The following PBRM1 variants were observed in gnomAD, a reference collection of about 807,000 sequenced individuals.
PBRM1 encodes the protein polybromo 1.
A neutral mutation model predicts 194.5 loss-of-function variants in PBRM1; 27 were observed. The ratio of observed to expected loss-of-function variants is 0.14; its 90% CI spans 0.10 to 0.19. The LOEUF (loss-of-function observed/expected upper bound fraction) is 0.19, where lower values mean the gene tolerates loss of function less well. Ranked by LOEUF, PBRM1 falls within the 10% of genes least tolerant of loss-of-function variation. PBRM1 has a pLI of 1.00. For synonymous variants in PBRM1, 655 were observed against 693.2 expected, an observed-to-expected ratio of 0.94 and a Z score of 0.87; for missense variants, 1,466 against 2,077.2, an observed-to-expected ratio of 0.71 and a Z score of 5.72.
At chr3:52,628,990 C>T (rs757836336) in exon 12 of PBRM1, 1 of 1,607,716 alleles carries the variant, frequency 6.2e-7, no homozygotes, top group Non-Finnish European at 8.5e-7. Flanking sequence ...TCAGATCACA[C>T]TCCAAATGAT....
chr3:52,672,240 T>G (rs1202584953), intron 2 of PBRM1, among the ~76,000 whole-genome samples: 1 of 152,218 alleles, frequency 6.6e-6, no homozygotes, highest in African/African-American at 2.4e-5. Flanking sequence ...AATCTCTGAC[T>G]GAACTTGTCT....
At chr3:52,603,194 G>A (rs2094122173) in intron 17 of PBRM1, among the ~76,000 whole-genome samples, 1 of 152,208 alleles carries the variant, frequency 6.6e-6, no homozygotes, top group Admixed American at 6.5e-5. Flanking sequence ...TCACTGTTGA[G>A]AATGCTTTCT....
At chr3:52,546,612 C>T (rs879404478), downstream of PBRM1, 4 of 231,464 alleles carry the variant, frequency 1.7e-5, no homozygotes, top group Admixed American at 5.6e-5. Flanking sequence ...GATTAACTCT[C>T]TCAGATTATA....
At chr3:52,625,776 C>G (rs946498254) in intron 13 of PBRM1, among the ~76,000 whole-genome samples, 20 of 151,968 alleles carry the variant, frequency 1.3e-4, no homozygotes. Context: ...GAGGTTTCAC[C>G]ACGTTGTCCA....
intron 20 of PBRM1, among the ~76,000 whole-genome samples, chr3:52,584,475 T>TTTTTTTTTTTTTTTTTTTTTTA (rs2092026674): frequency 6.8e-6 from 1 of 146,606 alleles, no homozygotes; most frequent in African/African-American, 2.5e-5. Context: ...TTTTTTTTTT[T>TTTTTTTTTTTTTTTTTTTTTTA]GAGACGGTCT....
intron 20 of PBRM1, among the ~76,000 whole-genome samples, chr3:52,580,202 T>C (rs2090747827): frequency 6.6e-6 from 1 of 152,130 alleles, no homozygotes; most frequent in Admixed American, 6.5e-5. Context: ...ATCGTGCCAC[T>C]GCACTCCAGC....
At chr3:52,589,228 C>A (rs1385173049) in exon 18 of PBRM1, 1 of 1,546,002 alleles carries the variant, frequency 6.5e-7, no homozygotes, top group Non-Finnish European at 8.7e-7. Flanking sequence ...GCCTGCAGCA[C>A]CAGAGGAATC....
intron 22 of PBRM1, among the ~76,000 whole-genome samples, chr3:52,569,938 A>C (rs542037009): frequency 6.6e-6 from 1 of 152,286 alleles, no homozygotes; most frequent in South Asian, 2.1e-4. Context: ...ATGTTAAATA[A>C]GTGTGATAAG....
intron 17 of PBRM1, among the ~76,000 whole-genome samples, chr3:52,602,400 T>C (rs910985570): frequency 4.6e-5 from 7 of 152,174 alleles, no homozygotes; most frequent in Non-Finnish European, 8.8e-5. Context: ...TGTGTATAGG[T>C]TGGGGGATGC....
chr3:52,631,946 C>T (rs180835375), intron 11 of PBRM1, among the ~76,000 whole-genome samples: 47 of 152,224 alleles, frequency 3.1e-4, no homozygotes, highest in Middle Eastern at 6.8e-3. Context: ...TCATTTGATT[C>T]CAACTTAAGA....
intron 22 of PBRM1, among the ~76,000 whole-genome samples, chr3:52,570,846 CAT>C (rs1164016431): frequency 1.3e-5 from 2 of 150,358 alleles, no homozygotes; most frequent in Non-Finnish European, 1.5e-5. Flanking sequence ...TGTGTGCGCA[CAT>C]GTGTGCACAT....
chr3:52,589,011 AAGG>A (rs1260841004), intron 18 of PBRM1, 56 bp downstream of exon 20: 2 of 1,254,458 alleles, frequency 1.6e-6, no homozygotes, highest in Admixed American at 1.9e-5. Flanking sequence ...CCTGAGGAGC[AAGG>A]AGAAGTCAAA....
intron 3 of PBRM1, among the ~76,000 whole-genome samples, chr3:52,668,243 G>GCCAAGATCTCA (rs2096878365): frequency 6.6e-6 from 1 of 152,220 alleles, no homozygotes; most frequent in East Asian, 1.9e-4. Flanking sequence ...GCTGCCATGA[G>GCCAAGATCTCA]CCAAGATCTC....
At chr3:52,556,550 T>A (rs1057491641) in intron 26 of PBRM1, among the ~76,000 whole-genome samples, 2 of 152,220 alleles carry the variant, frequency 1.3e-5, no homozygotes, top group African/African-American at 4.8e-5. Context: ...TTGAGGAAAT[T>A]ATTAAGAACT....
intron 11 of PBRM1, among the ~76,000 whole-genome samples, chr3:52,632,228 TATC>T (rs1214816553): frequency 6.6e-6 from 1 of 152,200 alleles, no homozygotes; most frequent in Non-Finnish European, 1.5e-5. Flanking sequence ...CTTTCAGAGA[TATC>T]ATACAGAGTC....
At chr3:52,554,615 G>A in intron 27 of PBRM1, 109 bp downstream of exon 29, 1 of 887,930 alleles carries the variant, frequency 1.1e-6, no homozygotes, top group Non-Finnish European at 1.7e-6. Flanking sequence ...CTCAGGGAGG[G>A]AAGGCCTGGC....
At chr3:52,564,481 A>T (rs968998200) in intron 22 of PBRM1, among the ~76,000 whole-genome samples, 3 of 151,910 alleles carry the variant, frequency 2.0e-5, no homozygotes, top group African/African-American at 7.3e-5. Flanking sequence ...AAATTCTACA[A>T]AAAAATACAA....
chr3:52,637,775 A>C (rs942928172), intron 10 of PBRM1, among the ~76,000 whole-genome samples: 2 of 124,752 alleles, frequency 1.6e-5, no homozygotes, highest in South Asian at 4.8e-4. Context: ...TAAAAATACA[A>C]AAAAAAAAAA....
upstream of PBRM1, among the ~76,000 whole-genome samples, chr3:52,680,820 C>T (rs144009699): frequency 5.2e-3 from 795 of 151,936 alleles, 24 homozygotes; most frequent in Admixed American, 0.043. Flanking sequence ...GCCATCACAC[C>T]CAGCTAATTT....
Sources: gnomAD v4.1 joint callset for allele counts (sites outside exome capture counted in the v4.1 genomes callset) on GRCh38, gnomAD v4.1.1 for gene constraint, MANE v1.5 for transcripts, NCBI Gene and HGNC (gene_info 2026-07-23, HGNC 2026-07-21) for gene names.